Variants in USP33 observed in about 807,000 individuals in gnomAD.
USP33 encodes the protein ubiquitin specific peptidase 33.
Under a neutral mutation model 124.2 loss-of-function variants are expected in USP33, and 46 were observed. That is an observed-to-expected ratio of 0.37 (90% CI 0.29 to 0.47). The LOEUF (loss-of-function observed/expected upper bound fraction) is 0.47, where lower values mean the gene tolerates loss of function less well. USP33 is among the 20% of genes least tolerant of loss of function. The pLI is 0.99. For synonymous variants in USP33, 350 were observed against 352.3 expected (o/e 0.99, Z 0.07); for missense variants, 851 against 1,070.6 (o/e 0.79, Z 2.86).
intron 17 of USP33, 68 bp from the exon 18 acceptor site, chr1:77,715,936 T>C: frequency 6.6e-7 from 1 of 1,505,590 alleles, no homozygotes; most frequent in Non-Finnish European, 8.9e-7. Flanking sequence ...GATAAACTTT[T>C]TATATTTCCA....
intron 19 of USP33, 25 bp from the exon 20 acceptor site, chr1:77,713,306 G>T: frequency 2.0e-6 from 3 of 1,538,364 alleles, no homozygotes; most frequent in Non-Finnish European, 2.6e-6. Flanking sequence ...AAACATATCT[G>T]TTTCATGCTT....
At chr1:77,759,335 T>C (rs551804475) in intron 1 of USP33, 33 of 357,032 alleles carry the variant, frequency 9.2e-5, no homozygotes, top group Admixed American at 2.8e-4. Context: ...GAGCCCCCGC[T>C]TCTCGGGCTC....
At chr1:77,732,520 C>T (rs1168954779) in intron 7 of USP33, among the ~76,000 whole-genome samples, 3 of 152,142 alleles carry the variant, frequency 2.0e-5, no homozygotes, top group Non-Finnish European at 2.9e-5. Flanking sequence ...TTATTAGCTA[C>T]CCTACTACAC....
Position 77,713,299 on chromosome 1 carries a change from C to T in USP33, c.2216-18G>A. 1 of 1,559,258 alleles carries T rather than the reference C, an allele frequency of 6.4e-7. No homozygotes were observed. Among genetic ancestry groups the T allele is most frequent in the Non-Finnish European group, 8.6e-7 (1 of 1,156,960 alleles). ...AGGAACACCTAAAAAAATATATAAA[C>T]ATATCTGTTTCATGCTTTTAATTAT... On this transcript the variant is annotated intron_variant, in intron 19 of 23. Coordinates refer to ENST00000370794, the MANE Select transcript of USP33 (RefSeq NM_201624.3).
chr1:77,715,766 G>C lies in USP33; in HGVS notation c.2021C>G (p.Ala674Gly), dbSNP rs566163460. The C allele has an allele frequency of 6.2e-7, 1 of 1,613,548 alleles. No homozygotes were observed. Among genetic ancestry groups the C allele is most frequent in the South Asian group, 1.1e-5 (1 of 90,888 alleles). ...TEVSESTVQN[A>G]EAYVLFYRKS... Reference sequence around the variant, plus strand: ...CCTATAGAAAAGAACGTAAGCTTCTGCATTTTGTACAGTAGATTCTGAAAC... The same window carrying C: ...CCTATAGAAAAGAACGTAAGCTTCTCCATTTTGTACAGTAGATTCTGAAAC... The change falls in exon 18 of 24, where the codon GCA becomes GGA. Residue 674 changes from alanine to glycine, a missense_variant. By Grantham distance (60) the Ala-to-Gly change is moderately conservative (BLOSUM62 0). Transcript: ENST00000370794.
intron 21 of USP33, among the ~76,000 whole-genome samples, chr1:77,709,463 T>C (rs1442209798): frequency 6.6e-6 from 1 of 152,054 alleles, no homozygotes; most frequent in African/African-American, 2.4e-5. Flanking sequence ...TACAGTGAAC[T>C]ATGACCAGCC....
intron 1 of USP33, among the ~76,000 whole-genome samples, chr1:77,752,816 A>C (rs1246563628): frequency 6.6e-6 from 1 of 152,090 alleles, no homozygotes; most frequent in Non-Finnish European, 1.5e-5. Context: ...GGTGGCTCAC[A>C]CCTGTAATCC....
chr1:77,697,412 C>T lies in USP33; in HGVS notation c.2641G>A (p.Gly881Arg). ...GGAGGTCGCAGGATAACTTCAGGCCCTCCACCATAAATAGACTGCAGAAAA... is the reference window on the plus strand; with the variant it reads ...GGAGGTCGCAGGATAACTTCAGGCCTTCCACCATAAATAGACTGCAGAAAA... ...WNFLQSIYGG[G>R]PEVILRPPVV... is the part of the protein sequence containing the mutation. Residue 881 changes from glycine to arginine, a missense_variant, in exon 24 of 24, where the codon GGG becomes AGG. By Grantham distance (125) the Gly-to-Arg change is moderately radical (BLOSUM62 -2). Around this residue, in one of 4 missense-constraint regions of USP33, gnomAD observed 142 missense variants for 141.8 expected, o/e 1.00. Coordinates refer to ENST00000370794, the MANE Select transcript of USP33 (RefSeq NM_201624.3). 6.8e-6 allele frequency: 11 copies of T among 1,613,126 alleles called. No individual in the cohort carries two copies. The highest frequency in any genetic ancestry group is 9.3e-6 in the Non-Finnish European group (11 of 1,179,798).
chr1:77,736,712 C>G (rs1390623629), intron 5 of USP33, among the ~76,000 whole-genome samples: 1 of 152,030 alleles, frequency 6.6e-6, no homozygotes, highest in East Asian at 1.9e-4. Context: ...TGGGTTCAAA[C>G]GCTTCTCCTG....
chr1:77,726,888 T>C (rs1331819716), intron 10 of USP33, among the ~76,000 whole-genome samples: 4 of 152,192 alleles, frequency 2.6e-5, no homozygotes, highest in Non-Finnish European at 5.9e-5. Flanking sequence ...CCTTGATTGT[T>C]TGCTTTGGAT....
At chr1:77,749,298 C>T (rs1013393387) in intron 1 of USP33, among the ~76,000 whole-genome samples, 2 of 152,042 alleles carry the variant, frequency 1.3e-5, no homozygotes, top group African/African-American at 4.8e-5. Flanking sequence ...ATCTTCTCCA[C>T]TATTTTTGTT....
chr1:77,759,289 T>C (rs917926882), intron 1 of USP33: 2 of 286,548 alleles, frequency 7.0e-6, no homozygotes, highest in African/African-American at 4.4e-5. Context: ...TGAGAGGGAC[T>C]GGCAAGCCTG....
chr1:77,747,802 G>A (rs927411214), intron 1 of USP33, among the ~76,000 whole-genome samples: 2 of 152,124 alleles, frequency 1.3e-5, no homozygotes, highest in Non-Finnish European at 2.9e-5. Context: ...CTTAAGATAG[G>A]AACCCAATTT....
At chr1:77,709,782 T>C (rs950095603) in intron 21 of USP33, among the ~76,000 whole-genome samples, 1 of 151,618 alleles carries the variant, frequency 6.6e-6, no homozygotes, top group African/African-American at 2.4e-5. Flanking sequence ...CATATATATA[T>C]CTGAGAGCTA....
intron 1 of USP33, among the ~76,000 whole-genome samples, chr1:77,755,521 C>G (rs1004832471): frequency 1.3e-5 from 2 of 152,214 alleles, no homozygotes; most frequent in African/African-American, 4.8e-5. Flanking sequence ...CATGGTGAAA[C>G]CCCCATTTCT....
intron 17 of USP33, among the ~76,000 whole-genome samples, chr1:77,716,359 G>A (rs974760590): frequency 3.3e-5 from 5 of 152,170 alleles, no homozygotes; most frequent in South Asian, 2.1e-4. Flanking sequence ...TAACACCTGC[G>A]GGGGTCTGTC....
At chr1:77,715,925 G>A (rs933023124) in intron 17 of USP33, 57 bp from the exon 18 acceptor site, 4 of 1,538,944 alleles carry the variant, frequency 2.6e-6, no homozygotes, top group Non-Finnish European at 3.5e-6. Context: ...GAAGAAAGGA[G>A]GATAAACTTT....
chr1:77,738,052 A>G (rs1372130548), intron 5 of USP33, among the ~76,000 whole-genome samples: 2 of 152,246 alleles, frequency 1.3e-5, no homozygotes, highest in Admixed American at 6.5e-5. Context: ...ATAAATAGGT[A>G]TAAGTGGGAG....
chr1:77,758,389 C>G (rs997190905), intron 1 of USP33, among the ~76,000 whole-genome samples: 18 of 151,942 alleles, frequency 1.2e-4, no homozygotes, highest in Admixed American at 1.2e-3. Flanking sequence ...CACCGTATTA[C>G]CCAGGATGGT....
Sources: allele counts gnomAD v4.1 joint callset (sites outside exome capture counted in the v4.1 genomes callset), GRCh38; gene constraint gnomAD v4.1.1; regional missense constraint gnomAD v4.1.1; transcripts MANE v1.5; gene names NCBI Gene and HGNC (gene_info 2026-07-23, HGNC 2026-07-21).